CENPP: variants seen among roughly 807,000 people sequenced by gnomAD.
The protein encoded by CENPP is centromere protein P.
CENPP carries 24 observed loss-of-function variants against 35.6 expected under a neutral mutation model. The ratio of observed to expected loss-of-function variants is 0.67; its 90% CI spans 0.49 to 0.95. The LOEUF (loss-of-function observed/expected upper bound fraction) is 0.95, where lower values mean the gene tolerates loss of function less well. Ranked by LOEUF, CENPP falls within the 40% of genes least tolerant of loss-of-function variation. The pLI is 0.00. For synonymous variants in CENPP, 120 were observed against 125.5 expected (o/e 0.96, Z 0.29); for missense variants, 332 against 345.3 (o/e 0.96, Z 0.31).
chr9:92,478,498 G>C (rs1351990499), intron 5 of CENPP, among the ~76,000 whole-genome samples: 1 of 152,126 alleles, frequency 6.6e-6, no homozygotes, highest in South Asian at 2.1e-4. Flanking sequence ...TTGTCGCCCA[G>C]GCTGGAGTAC....
chr9:92,494,573 T>G (rs1179879943), intron 5 of CENPP, among the ~76,000 whole-genome samples: 3 of 152,186 alleles, frequency 2.0e-5, no homozygotes, highest in Non-Finnish European at 4.4e-5. Flanking sequence ...TTATAATCTC[T>G]GAATCCTACC....
intron 5 of CENPP, among the ~76,000 whole-genome samples, chr9:92,449,084 G>C (rs1354477885): frequency 6.6e-6 from 1 of 152,086 alleles, no homozygotes; most frequent in Non-Finnish European, 1.5e-5. Flanking sequence ...CATGGAGCTA[G>C]ACTGCTGTAT....
chr9:92,549,729 G>T (rs977675137), intron 5 of CENPP, among the ~76,000 whole-genome samples: 1 of 151,984 alleles, frequency 6.6e-6, no homozygotes, highest in Non-Finnish European at 1.5e-5. Flanking sequence ...CACCGGATTA[G>T]ATATCATTTT....
chr9:92,392,655 G>T (rs964039556), intron 5 of CENPP, among the ~76,000 whole-genome samples: 1 of 151,982 alleles, frequency 6.6e-6, no homozygotes, highest in African/African-American at 2.4e-5. Flanking sequence ...CACTTCCCAA[G>T]ATATTTTTAA....
intron 5 of CENPP, among the ~76,000 whole-genome samples, chr9:92,468,271 G>A (rs1319291731): frequency 1.3e-5 from 2 of 152,196 alleles, no homozygotes; most frequent in Non-Finnish European, 2.9e-5. Context: ...GTGCAGCACT[G>A]GTAAGAGCCG....
At chr9:92,580,341 C>G (rs1235263687) in intron 5 of CENPP, among the ~76,000 whole-genome samples, 1 of 152,152 alleles carries the variant, frequency 6.6e-6, no homozygotes, top group African/African-American at 2.4e-5. Context: ...AGGATTCCCT[C>G]TTTTTCTGTT....
chr9:92,524,403 A>G (rs980644519), intron 5 of CENPP, among the ~76,000 whole-genome samples: 3 of 152,206 alleles, frequency 2.0e-5, no homozygotes, highest in Non-Finnish European at 4.4e-5. Context: ...GACTGGCGCA[A>G]TCCCTGTGAA....
intron 5 of CENPP, among the ~76,000 whole-genome samples, chr9:92,455,826 C>T (rs1208455177): frequency 6.6e-6 from 1 of 152,292 alleles, no homozygotes; most frequent in South Asian, 2.1e-4. Flanking sequence ...AATCCCAGCA[C>T]TTTGGGAGGC....
At chr9:92,533,322 A>T (rs1182481994) in intron 5 of CENPP, among the ~76,000 whole-genome samples, 435 of 89,024 alleles carry the variant, frequency 4.9e-3, no homozygotes, top group African/African-American at 7.3e-3. Flanking sequence ...AAAAAAAAAA[A>T]AAAAAAATAT....
intron 5 of CENPP, 129 bp from the exon 6 acceptor site, chr9:92,611,185 C>A: frequency 1.4e-6 from 1 of 733,102 alleles, no homozygotes; most frequent in Non-Finnish European, 2.4e-6. Flanking sequence ...GCGGTTGGCA[C>A]CCATGGATGC....
chr9:92,387,471 A>C (rs1301213152), intron 5 of CENPP, among the ~76,000 whole-genome samples: 1 of 152,106 alleles, frequency 6.6e-6, no homozygotes, highest in Non-Finnish European at 1.5e-5. Context: ...TAAGGGCTTA[A>C]TGTTGGATTA....
At chr9:92,517,656 A>G in intron 5 of CENPP, 1 of 1,613,024 alleles carries the variant, frequency 6.2e-7, no homozygotes, top group East Asian at 2.2e-5. Flanking sequence ...TTAATCACAC[A>G]CTGATATTTT....
intron 1 of CENPP, among the ~76,000 whole-genome samples, chr9:92,329,899 A>AT (rs1330409570): frequency 1.3e-5 from 2 of 152,200 alleles, no homozygotes; most frequent in Admixed American, 6.5e-5. Flanking sequence ...TCAGTCTATG[A>AT]TGGCAAATGC....
chr9:92,344,683 G>A (rs1171538131), intron 3 of CENPP, among the ~76,000 whole-genome samples: 4 of 151,740 alleles, frequency 2.6e-5, no homozygotes. Context: ...GAGTAGCTGG[G>A]ATTACAGGCG....
intron 5 of CENPP, among the ~76,000 whole-genome samples, chr9:92,460,926 C>G (rs377344190): frequency 6.6e-6 from 1 of 151,766 alleles, no homozygotes; most frequent in East Asian, 1.9e-4. Context: ...TGATCCACCC[C>G]CCTCGGCCTC....
At chr9:92,542,187 A>C (rs1246281808) in intron 5 of CENPP, among the ~76,000 whole-genome samples, 1 of 152,196 alleles carries the variant, frequency 6.6e-6, no homozygotes, top group Non-Finnish European at 1.5e-5. Flanking sequence ...GTATTCTATA[A>C]TGGCTCCTTT....
At chr9:92,368,615 T>C (rs1283497854) in intron 4 of CENPP, among the ~76,000 whole-genome samples, 10 of 152,246 alleles carry the variant, frequency 6.6e-5, no homozygotes, top group Admixed American at 6.5e-4. Flanking sequence ...TGACCAAATA[T>C]GGAGAAACTA....
intron 5 of CENPP, among the ~76,000 whole-genome samples, chr9:92,526,285 G>A (rs1206549911): frequency 5.3e-5 from 8 of 152,102 alleles, no homozygotes; most frequent in Middle Eastern, 3.2e-3. Flanking sequence ...ACAAAATTAC[G>A]CTATAAAGAA....
intron 5 of CENPP, among the ~76,000 whole-genome samples, chr9:92,410,322 C>T (rs1843412214): frequency 6.6e-6 from 1 of 152,174 alleles, no homozygotes; most frequent in Admixed American, 6.5e-5. Flanking sequence ...TAATCTGTCT[C>T]CTCCTTGGGC....
Sources: allele counts gnomAD v4.1 joint callset (sites outside exome capture counted in the v4.1 genomes callset), GRCh38; gene constraint gnomAD v4.1.1; transcripts MANE v1.5; gene names NCBI Gene and HGNC (gene_info 2026-07-23, HGNC 2026-07-21).